The following KAT6A variants were observed in gnomAD, a reference collection of about 807,000 sequenced individuals.
KAT6A encodes histone acetyltransferase KAT6A.
KAT6A carries 9 observed loss-of-function variants against 198.4 expected under a neutral mutation model. That is an observed-to-expected ratio of 0.05 (90% CI 0.03 to 0.08). The LOEUF (loss-of-function observed/expected upper bound fraction) is 0.08, where lower values mean the gene tolerates loss of function less well. KAT6A is among the 10% of genes least tolerant of loss of function. The probability of loss-of-function intolerance (pLI) is 1.00; values close to 1 mark genes in which losing one functional copy is unlikely to be tolerated. For synonymous variants in KAT6A, 890 were observed against 883.0 expected, an observed-to-expected ratio of 1.01 and a Z score of -0.14; for missense variants, 2,077 against 2,509.9, an observed-to-expected ratio of 0.83 and a Z score of 3.69.
intron 13 of KAT6A, among the ~76,000 whole-genome samples, chr8:41,943,457 G>A (rs1039422687): frequency 6.6e-6 from 1 of 152,062 alleles, no homozygotes; most frequent in African/African-American, 2.4e-5. Context: ...GTTACTTCTT[G>A]TATTGTGAAA....
intron 2 of KAT6A, among the ~76,000 whole-genome samples, chr8:42,013,374 G>C (rs1160056662): frequency 3.3e-5 from 5 of 151,494 alleles, no homozygotes; most frequent in African/African-American, 1.2e-4. Context: ...TCCTGTCTCA[G>C]CCGCGCATGC....
intron 8 of KAT6A, among the ~76,000 whole-genome samples, chr8:41,963,388 G>A (rs1823303327): frequency 6.6e-6 from 1 of 152,028 alleles, no homozygotes; most frequent in African/African-American, 2.4e-5. Context: ...ATCTAAATAA[G>A]CTTCTTTTCC....
rs372099434 is a variant in KAT6A at position 42,048,986 on chromosome 8, A to G, written c.-9T>C. The G allele has an allele frequency of 6.2e-7, 1 of 1,609,506 alleles. No homozygotes were observed. Among genetic ancestry groups the G allele is most frequent in the Non-Finnish European group, 8.5e-7 (1 of 1,178,592 alleles). On this transcript the variant is annotated 5_prime_UTR_variant, in exon 2 of 17. Transcript: ENST00000265713. Reference sequence around the variant, plus strand: ...TTTGCGAGTTTTACCATGGTGAAGGATTCTGTATATCCATAGAGTCGTTAT... The same window carrying G: ...TTTGCGAGTTTTACCATGGTGAAGGGTTCTGTATATCCATAGAGTCGTTAT...
At position 41,955,837 on chromosome 8, in the gene KAT6A, C is replaced by T. The variant is rs562241129; in HGVS notation, c.1483-426G>A. On this transcript the variant is annotated intron_variant, in intron 8 of 16. Coordinates refer to ENST00000265713, the MANE Select transcript of KAT6A (RefSeq NM_006766.5). The stretch of plus-strand genomic sequence containing the variant: ...CTCCGCTGACAACAATGGAGATGCC[C>T]TACTGAATATGTAAGCACACAAAGG... 2.0e-5 allele frequency among the ~76,000 whole-genome samples: 3 copies of T among 152,252 alleles called. No homozygotes were observed. In the South Asian group the frequency reaches 6.2e-4, roughly 32 times the overall value.
chr8:42,013,378 C>T (rs1027204759), intron 2 of KAT6A, among the ~76,000 whole-genome samples: 1 of 151,768 alleles, frequency 6.6e-6, no homozygotes, highest in Admixed American at 6.6e-5. Context: ...GTCTCAGCCG[C>T]GCATGCCACC....
rs1587705752 is a variant in KAT6A, at chr8:41,932,502, A to G, written c.5718T>C (p.Thr1906=). The G allele has an allele frequency of 1.2e-6, 2 of 1,614,184 alleles. No homozygotes were observed. The highest frequency in any genetic ancestry group is 1.7e-6 in the Non-Finnish European group (2 of 1,180,028). The change falls in exon 17 of 17, where the codon ACT becomes ACC. Residue 1906 remains threonine (T), a synonymous_variant. Coordinates refer to ENST00000265713, the MANE Select transcript of KAT6A (RefSeq NM_006766.5). ...TCATGGAATTGACATTATAGGCGGGAGTAGGCATCAGATTAACCCCCATGT... is the reference window on the plus strand; with the variant it reads ...TCATGGAATTGACATTATAGGCGGGGGTAGGCATCAGATTAACCCCCATGT... ...GMNMGVNLMP[T]PAYNVNSMNM...
intron 2 of KAT6A, among the ~76,000 whole-genome samples, chr8:42,017,396 G>A (rs1385889826): frequency 2.0e-5 from 3 of 152,094 alleles, no homozygotes; most frequent in South Asian, 2.1e-4. Flanking sequence ...AATACAGGGA[G>A]AAAAACGTCA....
At chr8:41,945,782 A>T (rs1322322525) in intron 12 of KAT6A, among the ~76,000 whole-genome samples, 2 of 151,868 alleles carry the variant, frequency 1.3e-5, no homozygotes, top group African/African-American at 4.8e-5. Context: ...TAATCCCAGT[A>T]CTTTGGGAGG....
chr8:42,011,933 C>A (rs1433471960), intron 2 of KAT6A, among the ~76,000 whole-genome samples: 4 of 148,862 alleles, frequency 2.7e-5, no homozygotes, highest in Non-Finnish European at 6.0e-5. Flanking sequence ...GGAAATCCAA[C>A]CCCCTGAAAA....
At chr8:41,973,933 A>C (rs1823924702) in intron 8 of KAT6A, among the ~76,000 whole-genome samples, 1 of 152,170 alleles carries the variant, frequency 6.6e-6, no homozygotes, top group Non-Finnish European at 1.5e-5. Context: ...TCTATAATTG[A>C]ACTTTTCATA....
chr8:41,977,397 A>C, intron 6 of KAT6A, 70 bp from the exon 7 acceptor site: 1 of 1,009,578 alleles, frequency 9.9e-7, no homozygotes, highest in Non-Finnish European at 1.5e-6. Flanking sequence ...TTAATACATA[A>C]CATATAATTA....
At chr8:42,051,466 C>A (rs1371215831) in intron 1 of KAT6A, among the ~76,000 whole-genome samples, 1 of 148,198 alleles carries the variant, frequency 6.7e-6, no homozygotes, top group Non-Finnish European at 1.5e-5. Flanking sequence ...CGGCCCGGCA[C>A]AGCCGGCACG....
At chr8:41,973,306 A>G (rs905069566) in intron 8 of KAT6A, among the ~76,000 whole-genome samples, 3 of 151,468 alleles carry the variant, frequency 2.0e-5, no homozygotes, top group Admixed American at 2.0e-4. Flanking sequence ...GCTCACTGCA[A>G]CCTCCACCTC....
At chr8:41,945,757 G>A (rs1378279986) in intron 12 of KAT6A, among the ~76,000 whole-genome samples, 1 of 152,082 alleles carries the variant, frequency 6.6e-6, no homozygotes, top group Non-Finnish European at 1.5e-5. Flanking sequence ...GGCCACGCAT[G>A]GTGGCTCACG....
At chr8:41,988,236 T>C (rs1394123960) in intron 2 of KAT6A, among the ~76,000 whole-genome samples, 5 of 152,172 alleles carry the variant, frequency 3.3e-5, no homozygotes, top group Non-Finnish European at 7.4e-5. Flanking sequence ...GACTTAGGTG[T>C]GCAGTCTGGT....
At chr8:42,030,063 G>A (rs188022376) in intron 2 of KAT6A, among the ~76,000 whole-genome samples, 69 of 152,230 alleles carry the variant, frequency 4.5e-4, no homozygotes, top group Admixed American at 1.7e-3. Flanking sequence ...AGAGCACTAC[G>A]GATATGGAGA....
intron 7 of KAT6A, 129 bp downstream of exon 7, chr8:41,976,879 C>T: frequency 1.2e-5 from 9 of 776,752 alleles, no homozygotes; most frequent in South Asian, 2.6e-5. Context: ...CATGTTTTTT[C>T]AATGTGTTCT....
intron 9 of KAT6A, among the ~76,000 whole-genome samples, chr8:41,951,285 G>C (rs1822657837): frequency 6.6e-6 from 1 of 151,590 alleles, no homozygotes. Context: ...CATTTTAAAA[G>C]CTCCTTACTT....
At chr8:41,979,678 T>C (rs1824249972) in intron 5 of KAT6A, among the ~76,000 whole-genome samples, 1 of 151,294 alleles carries the variant, frequency 6.6e-6, no homozygotes, top group South Asian at 2.1e-4. Flanking sequence ...TATTTATAAA[T>C]TGAAGACGTT....
Sources: allele counts gnomAD v4.1 joint callset (sites outside exome capture counted in the v4.1 genomes callset), GRCh38; gene constraint gnomAD v4.1.1; transcripts MANE v1.5; gene names NCBI Gene and HGNC (gene_info 2026-07-23, HGNC 2026-07-21).